FBXL17: variants seen among roughly 807,000 people sequenced by gnomAD.
The protein encoded by FBXL17 is F-box/LRR-repeat protein 17.
In FBXL17, 22 loss-of-function variants were observed where a neutral mutation model predicts 66.2. The ratio of observed to expected loss-of-function variants is 0.33; its 90% CI spans 0.24 to 0.47. The LOEUF is 0.47. Ranked by LOEUF, FBXL17 falls within the 20% of genes least tolerant of loss-of-function variation. The pLI is 1.00. For missense variants in FBXL17, 878 were observed against 948.2 expected, an observed-to-expected ratio of 0.93 and a Z score of 0.97; for synonymous variants, 474 against 400.5, an observed-to-expected ratio of 1.18 and a Z score of -2.19.
Position 108,381,457 on chromosome 5 carries a change from C to A in FBXL17, c.235G>T (p.Glu79Ter). 1 of 1,317,966 alleles carries A rather than the reference C, an allele frequency of 7.6e-7. No homozygotes were observed. Among genetic ancestry groups the A allele is most frequent in the South Asian group, 2.2e-5 (1 of 45,018 alleles). 81.6% of individuals were successfully genotyped at this position (1,317,966 alleles called of 1,614,324 possible). A position where few individuals can be genotyped will look rare whatever the true frequency, so the allele number is the denominator to read the frequency against. ...CGCGGCGGCGGCGAGAGCGGCGGCTCCTCCTCTGGGCCGGCGGGGGCGGGC... is the reference window on the plus strand; with the variant it reads ...CGCGGCGGCGGCGAGAGCGGCGGCTACTCCTCTGGGCCGGCGGGGGCGGGC... ...GAPAPAGPEE[E>*]PPLSPPPRDG... The change falls in exon 1 of 9, where the codon GAG becomes TAG. Residue 79 changes from glutamate to a stop codon, truncating the protein, a stop_gained. Transcript: ENST00000542267. LOFTEE classifies it high-confidence loss of function.
intron 7 of FBXL17, among the ~76,000 whole-genome samples, chr5:108,013,256 C>T (rs888304044): frequency 1.3e-5 from 2 of 152,206 alleles, no homozygotes; most frequent in Non-Finnish European, 2.9e-5. Flanking sequence ...CATGGGAATG[C>T]TGAATAAGAC....
intron 5 of FBXL17, among the ~76,000 whole-genome samples, chr5:108,208,722 T>C (rs1483545193): frequency 6.6e-6 from 1 of 152,190 alleles, no homozygotes; most frequent in Non-Finnish European, 1.5e-5. Flanking sequence ...ACCCTTATAG[T>C]ATAGTTTGCA....
intron 5 of FBXL17, among the ~76,000 whole-genome samples, chr5:108,221,334 A>T (rs1754854801): frequency 6.6e-6 from 1 of 152,138 alleles, no homozygotes; most frequent in African/African-American, 2.4e-5. Flanking sequence ...CTTCTAACCT[A>T]CTAAATTAGA....
chr5:108,344,637 AG>A (rs1455066041), intron 4 of FBXL17, among the ~76,000 whole-genome samples: 1 of 152,200 alleles, frequency 6.6e-6, no homozygotes, highest in Non-Finnish European at 1.5e-5. Flanking sequence ...AACAAATGGC[AG>A]GTAATCTATC....
At chr5:107,879,848 C>A in intron 8 of FBXL17, 8 of 985,418 alleles carry the variant, frequency 8.1e-6, no homozygotes, top group Non-Finnish European at 9.6e-6. Context: ...GTCCCCGTGG[C>A]CACAGACTGC....
chr5:108,338,589 A>G (rs903121006), intron 4 of FBXL17, among the ~76,000 whole-genome samples: 17 of 152,174 alleles, frequency 1.1e-4, no homozygotes, highest in African/African-American at 4.1e-4. Context: ...CAGCCACTAA[A>G]GAAAAATACT....
At chr5:107,959,005 G>A (rs1005701425) in intron 7 of FBXL17, among the ~76,000 whole-genome samples, 5 of 152,170 alleles carry the variant, frequency 3.3e-5, no homozygotes, top group Admixed American at 2.6e-4. Context: ...GATCAGGTGC[G>A]TTAGCATCAG....
At chr5:108,081,283 A>G (rs1428102705) in intron 6 of FBXL17, among the ~76,000 whole-genome samples, 1 of 152,160 alleles carries the variant, frequency 6.6e-6, no homozygotes, top group Admixed American at 6.5e-5. Flanking sequence ...TTTCAGATTT[A>G]CTTTGGAATC....
At chr5:108,058,628 G>T (rs999720231) in intron 6 of FBXL17, among the ~76,000 whole-genome samples, 4 of 152,150 alleles carry the variant, frequency 2.6e-5, no homozygotes, top group African/African-American at 9.6e-5. Flanking sequence ...GGGATTACAG[G>T]CACATGCTGC....
intron 1 of FBXL17, among the ~76,000 whole-genome samples, chr5:108,370,389 A>C (rs191545494): frequency 6.6e-6 from 1 of 152,284 alleles, no homozygotes; most frequent in African/African-American, 2.4e-5. Context: ...CCTCGGGAAA[A>C]CAACTGCCTG....
Position 108,367,938 on chromosome 5 carries a change from A to G in FBXL17, c.1009T>C (p.Ser337Pro). 6.4e-7 allele frequency: 1 copy of G among 1,550,660 alleles called. No homozygotes were observed. The highest frequency in any genetic ancestry group is 8.7e-7 in the Non-Finnish European group (1 of 1,146,314). The change falls in exon 2 of 9, where the codon TCA becomes CCA. Residue 337 changes from serine (S) to proline (P), a missense_variant. Around this residue, in one of 4 missense-constraint regions of FBXL17, gnomAD observed 605 missense variants for 509.5 expected, o/e 1.19. Transcript: ENST00000542267. ...GCGGAAAGGCAACGCTCATCCAGTG[A>G]CAAATTGGAAAATATCTGTGAATAA... ...SILLKIFSNLSLDERCLSASL... is the reference protein window; with the variant it reads ...SILLKIFSNLPLDERCLSASL...
At chr5:107,873,287 T>A (rs1748514801) in intron 8 of FBXL17, among the ~76,000 whole-genome samples, 1 of 152,200 alleles carries the variant, frequency 6.6e-6, no homozygotes, top group South Asian at 2.1e-4. Context: ...CATTTGCTTG[T>A]CCTCTCCCAA....
At chr5:108,079,166 T>C (rs1748668824) in intron 6 of FBXL17, among the ~76,000 whole-genome samples, 1 of 151,840 alleles carries the variant, frequency 6.6e-6, no homozygotes, top group Admixed American at 6.6e-5. Context: ...CTTTTTTTTT[T>C]TTTTTATTAA....
chr5:108,014,396 T>C (rs1301091751), intron 7 of FBXL17, among the ~76,000 whole-genome samples: 1 of 152,114 alleles, frequency 6.6e-6, no homozygotes. Context: ...CATTTGTCTT[T>C]TAAATGAAGG....
chr5:108,286,024 C>T (rs563920755), intron 4 of FBXL17, among the ~76,000 whole-genome samples: 8 of 151,680 alleles, frequency 5.3e-5, no homozygotes, highest in African/African-American at 1.9e-4. Context: ...CTTATAAATG[C>T]AACTGAAAAC....
At chr5:108,272,387 T>A (rs1757313369) in intron 4 of FBXL17, among the ~76,000 whole-genome samples, 1 of 150,706 alleles carries the variant, frequency 6.6e-6, no homozygotes, top group African/African-American at 2.4e-5. Flanking sequence ...AGGGTCTCAC[T>A]CTGTTGCCCA....
intron 6 of FBXL17, among the ~76,000 whole-genome samples, chr5:108,109,633 G>A (rs997997900): frequency 2.0e-5 from 3 of 151,788 alleles, no homozygotes; most frequent in African/African-American, 7.3e-5. Flanking sequence ...TTGTTATAGG[G>A]GTCTGAGCCA....
At chr5:108,347,061 A>T (rs190188320) in intron 4 of FBXL17, among the ~76,000 whole-genome samples, 1 of 152,186 alleles carries the variant, frequency 6.6e-6, no homozygotes, top group African/African-American at 2.4e-5. Context: ...AAATACAGAC[A>T]TGCATTGCTT....
intron 6 of FBXL17, among the ~76,000 whole-genome samples, chr5:108,055,272 A>G (rs905829287): frequency 2.2e-5 from 3 of 136,462 alleles, no homozygotes; most frequent in African/African-American, 8.3e-5. Flanking sequence ...AATGACATAG[A>G]ATTTTTAGAA....
Sources: allele counts gnomAD v4.1 joint callset (sites outside exome capture counted in the v4.1 genomes callset), GRCh38; gene constraint gnomAD v4.1.1; regional missense constraint gnomAD v4.1.1; transcripts MANE v1.5; gene names NCBI Gene and HGNC (gene_info 2026-07-23, HGNC 2026-07-21).